The following MYO5A variants were observed in gnomAD, a reference collection of about 807,000 sequenced individuals.
MYO5A encodes myosin VA.
MYO5A carries 98 observed loss-of-function variants against 249.7 expected under a neutral mutation model. The observed-to-expected ratio is 0.39, with a 90% CI of 0.33 to 0.46. The LOEUF (loss-of-function observed/expected upper bound fraction) is 0.46. Among genes scored for constraint, MYO5A ranks in the 20% least tolerant of loss-of-function variants. MYO5A has a pLI of 0.98. For synonymous variants in MYO5A, 778 were observed against 810.6 expected (o/e 0.96, Z 0.68); for missense variants, 1,696 against 2,308.8 (o/e 0.73, Z 5.44).
chr15:52,319,108 A>G lies in MYO5A; in HGVS notation c.5186T>C (p.Leu1729Pro). 6.2e-7 allele frequency: 1 copy of G among 1,614,226 alleles called. No homozygotes were observed. Residue 1729 changes from leucine to proline, a missense_variant, in exon 39 of 42, where the codon CTT becomes CCT. Leu to Pro is a moderately conservative substitution (Grantham distance 98). Coordinates refer to ENST00000399233, the MANE Select transcript of MYO5A (RefSeq NM_001382347.1). ...GGAGCACATGTCCTTCCGCAGGAGAAGGTTGTTCAGGGTGATGGCCCCTAT... is the reference window on the plus strand; with the variant it reads ...GGAGCACATGTCCTTCCGCAGGAGAGGGTTGTTCAGGGTGATGGCCCCTAT... ...YIIGAITLNN[L>P]LLRKDMCSWS...
intron 25 of MYO5A, among the ~76,000 whole-genome samples, chr15:52,355,054 G>A (rs367953584): frequency 2.6e-5 from 4 of 152,184 alleles, no homozygotes; most frequent in Non-Finnish European, 4.4e-5. Flanking sequence ...CTCAGAAGAC[G>A]GAATGTACTA....
chr15:52,498,978 A>G (rs886182357), intron 1 of MYO5A, among the ~76,000 whole-genome samples: 2 of 152,222 alleles, frequency 1.3e-5, no homozygotes, highest in Non-Finnish European at 2.9e-5. Context: ...AAGCATATCA[A>G]ATGTAAGATA....
intron 1 of MYO5A, among the ~76,000 whole-genome samples, chr15:52,446,202 A>G (rs1669865): frequency 2.0e-5 from 3 of 152,242 alleles, no homozygotes; most frequent in African/African-American, 7.2e-5. Context: ...GTAGAGGGCC[A>G]GGCCTAGGGC....
Position 52,370,227 on chromosome 15 carries a change from C to T in MYO5A, c.3008G>A (p.Arg1003His), listed in dbSNP as rs563030400. The T allele has an allele frequency of 1.7e-5, 28 of 1,613,942 alleles. No individual in the cohort carries two copies. The highest frequency in any genetic ancestry group is 3.3e-5 in the Admixed American group (2 of 59,996). The change falls in exon 22 of 42, where the codon CGT (arginine) becomes CAT (histidine). Residue 1003 changes from arginine (R) to histidine (H), a missense_variant. Transcript: ENST00000399233. The stretch of plus-strand genomic sequence containing the variant: ...TTCCTCAATGCATTTTTTCTCTGAA[C>T]GAGTTTGCTCCAGGTCTTTCCGGAG... Reference protein sequence around the residue: ...AKLRKDLEQTRSEKKCIEEHA... With the variant: ...AKLRKDLEQTHSEKKCIEEHA...
intron 16 of MYO5A, among the ~76,000 whole-genome samples, chr15:52,382,105 G>A (rs1321031057): frequency 3.9e-5 from 6 of 152,080 alleles, no homozygotes; most frequent in African/African-American, 1.4e-4. Flanking sequence ...GTTTGACCAT[G>A]TTGGCCAGGT....
chr15:52,393,705 T>A (rs2042362000), intron 11 of MYO5A, among the ~76,000 whole-genome samples: 1 of 152,196 alleles, frequency 6.6e-6, no homozygotes, highest in Non-Finnish European at 1.5e-5. Flanking sequence ...ATTTACAGTG[T>A]TTACAGTCTA....
intron 23 of MYO5A, among the ~76,000 whole-genome samples, chr15:52,364,961 C>T (rs949816477): frequency 2.0e-5 from 3 of 152,196 alleles, no homozygotes; most frequent in African/African-American, 7.2e-5. Context: ...CTGGTTACAG[C>T]ACATCCTTGA....
At chr15:52,496,192 T>A (rs1168908486) in intron 1 of MYO5A, among the ~76,000 whole-genome samples, 1 of 152,198 alleles carries the variant, frequency 6.6e-6, no homozygotes, top group Non-Finnish European at 1.5e-5. Context: ...GGTCCCTTCA[T>A]GAAGTCCAAG....
At chr15:52,471,535 G>A (rs1355261555) in intron 1 of MYO5A, among the ~76,000 whole-genome samples, 5 of 151,330 alleles carry the variant, frequency 3.3e-5, no homozygotes, top group African/African-American at 4.9e-5. Flanking sequence ...TAGGAGGATC[G>A]TTTGAGCCCA....
Position 52,330,466 on chromosome 15 carries a change from A to T in MYO5A, c.4442T>A (p.Ile1481Asn). Residue 1481 changes from isoleucine (I) to asparagine (N), a missense_variant, in exon 35 of 42, where the codon ATC becomes AAC. Physicochemically the swap from Ile to Asn is moderately radical, Grantham distance 149. This residue lies in a region of MYO5A where 625 missense variants were observed against 908.1 expected (regional missense o/e 0.69). Coordinates refer to ENST00000399233, the MANE Select transcript of MYO5A (RefSeq NM_001382347.1). ...GQMENISPGQIIDEPIRPVNI... is the reference protein window; with the variant it reads ...GQMENISPGQNIDEPIRPVNI... ...GACTGGTCGGATGGGTTCATCAATG[A>T]TCTGTCCTGGGGATATGTTCTCCAT... 6.2e-7 allele frequency: 1 copy of T among 1,614,034 alleles called. No homozygotes were observed. The highest frequency in any genetic ancestry group is 8.5e-7 in the Non-Finnish European group (1 of 1,179,970).
chr15:52,451,193 T>C (rs1350628369), intron 1 of MYO5A, among the ~76,000 whole-genome samples: 1 of 152,150 alleles, frequency 6.6e-6, no homozygotes, highest in Non-Finnish European at 1.5e-5. Flanking sequence ...CAGGCACCTC[T>C]ACGCAGATAG....
At position 52,327,911 on chromosome 15, in the gene MYO5A, C is replaced by A; in HGVS notation, c.4651G>T (p.Asp1551Tyr). The change falls in exon 36 of 42, where the codon GAT becomes TAT. Residue 1551 changes from aspartate (D) to tyrosine (Y), a missense_variant. By Grantham distance (160) the Asp-to-Tyr change is radical (BLOSUM62 -3). Around this residue, in one of 5 missense-constraint regions of MYO5A, gnomAD observed 625 missense variants for 908.1 expected, o/e 0.69. Transcript: ENST00000399233. ...GTTAGCAACGACCTTACTTTCTGAT[C>A]ATCATTCAGGTAGTCAGCATGTCGA... ...CVRHADYLND[D>Y]QKVRSLLTST... 6.2e-7 allele frequency: 1 copy of A among 1,613,782 alleles called. No homozygotes were observed. Among genetic ancestry groups the A allele is most frequent in the South Asian group, 1.1e-5 (1 of 91,064 alleles).
chr15:52,336,356 C>T, intron 34 of MYO5A, 107 bp downstream of exon 34: 7 of 692,980 alleles, frequency 1.0e-5, no homozygotes, highest in South Asian at 1.7e-5. Flanking sequence ...TGTTATTATC[C>T]CTAATATTTG....
chr15:52,369,409 T>C (rs28367508), intron 22 of MYO5A, among the ~76,000 whole-genome samples: 8,036 of 152,304 alleles, frequency 0.053, 611 homozygotes, highest in African/African-American at 0.17. Flanking sequence ...TTACAAATGT[T>C]TCAGCAGTAC....
At chr15:52,505,327 G>A in intron 1 of MYO5A, 8 of 777,586 alleles carry the variant, frequency 1.0e-5, no homozygotes, top group South Asian at 8.0e-5. Context: ...CCCACTGCCT[G>A]CCGACTTGTG....
chr15:52,504,591 G>C (rs376424484), intron 1 of MYO5A, among the ~76,000 whole-genome samples: 42 of 152,248 alleles, frequency 2.8e-4, no homozygotes, highest in African/African-American at 9.6e-4. Context: ...AATGCTTTCA[G>C]CTACAAGGAA....
chr15:52,338,414 T>A (rs1381116659), intron 32 of MYO5A, among the ~76,000 whole-genome samples: 1 of 152,030 alleles, frequency 6.6e-6, no homozygotes, highest in African/African-American at 2.4e-5. Context: ...GGTAGAAAAA[T>A]CATTTTTGTG....
intron 1 of MYO5A, among the ~76,000 whole-genome samples, chr15:52,445,992 T>A (rs1316610212): frequency 6.6e-6 from 1 of 152,236 alleles, no homozygotes; most frequent in Admixed American, 6.5e-5. Context: ...AGGCTGGCCA[T>A]GTGGCAGAGA....
At chr15:52,362,533 G>C (rs2040585420) in intron 24 of MYO5A, among the ~76,000 whole-genome samples, 1 of 152,208 alleles carries the variant, frequency 6.6e-6, no homozygotes, top group African/African-American at 2.4e-5. Context: ...AGGAAAAGGA[G>C]ATCTAGTGAA....
Sources: allele counts gnomAD v4.1 joint callset (sites outside exome capture counted in the v4.1 genomes callset), GRCh38; gene constraint gnomAD v4.1.1; regional missense constraint gnomAD v4.1.1; transcripts MANE v1.5; gene names NCBI Gene and HGNC (gene_info 2026-07-23, HGNC 2026-07-21).